RANBP1: variants seen among roughly 807,000 people sequenced by gnomAD.
RANBP1 encodes the protein ran-specific GTPase-activating protein.
Under a neutral mutation model 31.4 loss-of-function variants are expected in RANBP1, and 16 were observed. The ratio of observed to expected loss-of-function variants is 0.51; its 90% CI spans 0.34 to 0.77. The LOEUF (loss-of-function observed/expected upper bound fraction) is 0.77, where lower values mean the gene tolerates loss of function less well. RANBP1 is among the 30% of genes least tolerant of loss of function. The pLI is 0.01. For synonymous variants in RANBP1, 129 were observed against 140.5 expected (o/e 0.92, Z 0.58); for missense variants, 265 against 362.0 (o/e 0.73, Z 2.17).
chr22:20,117,282 T>G lies in RANBP1; in HGVS notation c.246+852T>G, dbSNP rs921694687. On this transcript the variant is annotated intron_variant, in intron 1 of 5. Transcript: ENST00000430524. ...GCGCCGGATCCAACCCCCAACCACT[T>G]TAGCCAGCTCTAGAGGCGCGCGTGG... The G allele has an allele frequency of 1.1e-5, 8 of 741,662 alleles. No individual in the cohort carries two copies. In the Admixed American group the frequency reaches 3.3e-4, roughly 30 times the overall value. The allele number at this position is 741,662 out of a possible 1,614,324, so 45.9% of individuals were successfully genotyped here. A position where few individuals can be genotyped will look rare whatever the true frequency, so the allele number is the denominator to read the frequency against.
chr22:20,125,302 C>T lies in RANBP1; in HGVS notation c.542-6C>T, dbSNP rs369872173. ...TCACCATCTTCACGAGCTTCTCTCT[C>T]TTCAGTCACGCCGATGATGGAGCTG... is the stretch of plus-strand genomic sequence containing the variant. On this transcript the variant is annotated splice_polypyrimidine_tract_variant and splice_region_variant and intron_variant, in intron 3 of 5. Coordinates refer to ENST00000430524, the MANE Select transcript of RANBP1 (RefSeq NM_001278639.2). 6 of 1,611,568 alleles carry T rather than the reference C, an allele frequency of 3.7e-6. No homozygotes were observed. The highest frequency in any genetic ancestry group is 2.2e-5 in the East Asian group (1 of 44,870).
At chr22:20,122,176 G>A in intron 2 of RANBP1, 88 bp from the exon 3 acceptor site, 1 of 1,455,430 alleles carries the variant, frequency 6.9e-7, no homozygotes, top group East Asian at 2.3e-5. Context: ...ATGGGGTCCT[G>A]CAGTGCAGAG....
In RANBP1 at chr22:20,116,368, C is replaced by G. The variant is rs774292507; in HGVS notation, c.184C>G (p.Arg62Gly). ...GCRPKRPRKRRTSLKLAWRGT... is the reference protein window; with the variant it reads ...GCRPKRPRKRGTSLKLAWRGT... ...CAGACCAAAGCGGCCCAGGAAGCGC[C>G]GGACGTCGCTGAAGCTGGCGTGGCG... The change falls in exon 1 of 6, where the codon CGG (arginine) becomes GGG (glycine). Residue 62 changes from arginine to glycine, a missense_variant. Physicochemically the swap from Arg to Gly is moderately radical, Grantham distance 125. This residue lies in a region of RANBP1 where 126 missense variants were observed against 123.6 expected (regional missense o/e 1.02). Coordinates refer to ENST00000430524, the MANE Select transcript of RANBP1 (RefSeq NM_001278639.2). The G allele has an allele frequency of 6.2e-7, 1 of 1,612,446 alleles. No homozygotes were observed. Among genetic ancestry groups the G allele is most frequent in the Non-Finnish European group, 8.5e-7 (1 of 1,179,538 alleles).
chr22:20,125,386 A>G lies in RANBP1; in HGVS notation c.620A>G (p.Asp207Gly), dbSNP rs2147992066. 1 of 1,611,618 alleles carries G rather than the reference A, an allele frequency of 6.2e-7. No homozygotes were observed. The highest frequency in any genetic ancestry group is 1.3e-5 in the African/African-American group (1 of 75,008). ...TGGAACACCCACGCTGACTTCGCCGACGAGTGCCCCAAGCCAGAGCTGCTG... is the reference window on the plus strand; with the variant it reads ...TGGAACACCCACGCTGACTTCGCCGGCGAGTGCCCCAAGCCAGAGCTGCTG... ...WVWNTHADFA[D>G]ECPKPELLAI... The change falls in exon 4 of 6, where the codon GAC (aspartate) becomes GGC (glycine). Residue 207 changes from aspartate (D) to glycine (G), a missense_variant. By Grantham distance (94) the Asp-to-Gly change is moderately conservative (BLOSUM62 -1). Around this residue, in one of 3 missense-constraint regions of RANBP1, gnomAD observed 90 missense variants for 190.5 expected, o/e 0.47. Transcript: ENST00000430524.
chr22:20,123,427 GT>G, intron 3 of RANBP1, among the ~76,000 whole-genome samples: 2 of 68,566 alleles, frequency 2.9e-5, no homozygotes, highest in Non-Finnish European at 6.9e-5. Flanking sequence ...GGGGTGTGTG[GT>G]GTTGGGGGGG....
At position 20,116,458 on chromosome 22, in the gene RANBP1, T is replaced by A. The variant is rs758915275; in HGVS notation, c.246+28T>A. On this transcript the variant is annotated intron_variant, in intron 1 of 5. Coordinates refer to ENST00000430524, the MANE Select transcript of RANBP1 (RefSeq NM_001278639.2). ...AAACAAGTCATCCCTGATGTAGCTG[T>A]AGAGCCCGGGCTGAGGCCCCGGCCC... 2.8e-5 allele frequency: 45 copies of A among 1,612,874 alleles called. No individual in the cohort carries two copies. The highest frequency in any genetic ancestry group is 3.6e-5 in the Non-Finnish European group (43 of 1,179,904).
intron 1 of RANBP1, chr22:20,116,852 C>G: frequency 1.3e-6 from 2 of 1,599,492 alleles, no homozygotes; most frequent in Non-Finnish European, 8.5e-7. Context: ...ACCCCATCCC[C>G]GTCTCTACCC....
At chr22:20,118,939 TGCAG>T in intron 1 of RANBP1, 70 bp from the exon 2 acceptor site, 1 of 1,513,522 alleles carries the variant, frequency 6.6e-7, no homozygotes, top group Middle Eastern at 2.4e-4. Context: ...GGCTGACCAC[TGCAG>T]GCACTGGTTG....
At position 20,122,417 on chromosome 22, in the gene RANBP1, C is replaced by T. The variant is rs2050191697; in HGVS notation, c.537C>T (p.His179=). The T allele has an allele frequency of 5.6e-6, 9 of 1,611,988 alleles. No individual in the cohort carries two copies. Among genetic ancestry groups the T allele is most frequent in the Admixed American group, 1.7e-5 (1 of 59,974 alleles). ...RDKTLKICAN[H]YITPMMELKP... is the part of the protein sequence containing the mutation. ...AGACCCTGAAGATCTGTGCCAACCA[C>T]TACAGTAGGTGGCATGAACGACCAC... The change falls in exon 3 of 6, where the codon CAC becomes CAT. Residue 179 remains histidine (H), a synonymous_variant. Transcript: ENST00000430524.
chr22:20,119,297 T>C (rs1279928286), intron 2 of RANBP1, 148 bp downstream of exon 2: 7 of 734,744 alleles, frequency 9.5e-6, no homozygotes, highest in Non-Finnish European at 1.6e-5. Flanking sequence ...TGTGGAAATT[T>C]AACCCGTTCC....
chr22:20,120,998 G>A (rs952023663), intron 2 of RANBP1, among the ~76,000 whole-genome samples: 1 of 152,238 alleles, frequency 6.6e-6, no homozygotes, highest in African/African-American at 2.4e-5. Flanking sequence ...CTGTTGCCCA[G>A]GCTGGAGTGC....
chr22:20,122,042 A>T (rs2050182961), intron 2 of RANBP1, among the ~76,000 whole-genome samples: 1 of 151,958 alleles, frequency 6.6e-6, no homozygotes, highest in East Asian at 1.9e-4. Flanking sequence ...CGGTCGTCTA[A>T]TTCTCTTGGT....
At chr22:20,119,210 G>T in intron 2 of RANBP1, 61 bp downstream of exon 2, 1 of 1,532,714 alleles carries the variant, frequency 6.5e-7, no homozygotes, top group Non-Finnish European at 9.0e-7. Flanking sequence ...ACTTTTATGG[G>T]TGTCCAGGTT....
intron 1 of RANBP1, chr22:20,118,424 A>G (rs1190301273): frequency 2.2e-6 from 2 of 895,922 alleles, no homozygotes; most frequent in Non-Finnish European, 2.7e-6. Context: ...CTAGTTATTA[A>G]CTTAGTTTTC....
At chr22:20,116,609 G>A (rs776508419) in intron 1 of RANBP1, 179 bp downstream of exon 1, 1 of 1,535,724 alleles carries the variant, frequency 6.5e-7, no homozygotes, top group Non-Finnish European at 8.7e-7. Flanking sequence ...ATGGGCTTCG[G>A]GCCCTGTGTG....
chr22:20,125,119 T>C, intron 3 of RANBP1, 189 bp from the exon 4 acceptor site: 1 of 627,942 alleles, frequency 1.6e-6, no homozygotes, highest in Non-Finnish European at 2.8e-6. Context: ...TGGAGGATTT[T>C]CAAAGAGGTT....
rs559498380 is a variant in RANBP1, at chr22:20,125,667, T to G, written c.670+231T>G. ...GTGCCAAGTAGCTGGTGAACAGCAG[T>G]GCCCGCTCAGCCGCCTTGTGGCTGG... On this transcript the variant is annotated intron_variant, in intron 4 of 5. Coordinates refer to ENST00000430524, the MANE Select transcript of RANBP1 (RefSeq NM_001278639.2). The G allele has an allele frequency of 5.0e-5, 71 of 1,410,044 alleles. No individual in the cohort carries two copies. In the South Asian group the frequency reaches 7.9e-4, roughly 16 times the overall value. The allele number at this position is 1,410,044 out of a possible 1,614,324, so 87.3% of individuals were successfully genotyped here.
intron 3 of RANBP1, chr22:20,124,046 C>T (rs570271206): frequency 1.8e-4 from 28 of 152,826 alleles, no homozygotes; most frequent in African/African-American, 6.3e-4. Flanking sequence ...TGCCAGACTT[C>T]CTTGGGAACT....
chr22:20,126,641 C>T (rs558711768), intron 5 of RANBP1: 43 of 1,516,438 alleles, frequency 2.8e-5, no homozygotes, highest in African/African-American at 1.1e-4. Flanking sequence ...TGATGGTCCT[C>T]GGTTTGTCTC....
Sources: allele counts gnomAD v4.1 joint callset (sites outside exome capture counted in the v4.1 genomes callset), GRCh38; gene constraint gnomAD v4.1.1; regional missense constraint gnomAD v4.1.1; transcripts MANE v1.5; gene names NCBI Gene and HGNC (gene_info 2026-07-23, HGNC 2026-07-21).